TRIM77: variants seen among roughly 807,000 people sequenced by gnomAD.
TRIM77 encodes the protein tripartite motif-containing protein 77.
A neutral mutation model predicts 31.8 loss-of-function variants in TRIM77; 23 were observed. The observed-to-expected ratio is 0.72, with a 90% CI of 0.52 to 1.02. TRIM77 has a LOEUF of 1.02. Among genes scored for constraint, TRIM77 ranks in the 50% least tolerant of loss-of-function variants. The pLI is 0.00. For missense variants in TRIM77, 446 were observed against 539.2 expected, an observed-to-expected ratio of 0.83 and a Z score of 1.71; for synonymous variants, 159 against 183.1, an observed-to-expected ratio of 0.87 and a Z score of 1.06.
intron 5 of TRIM77, among the ~76,000 whole-genome samples, chr11:89,716,580 G>A (rs1411369908): frequency 2.0e-5 from 3 of 152,158 alleles, no homozygotes; most frequent in Non-Finnish European, 4.4e-5. Context: ...GCAGCCATGG[G>A]ATGAGATGAA....
At chr11:89,714,489 A>G (rs1457895974) in intron 3 of TRIM77, 67 bp downstream of exon 3, 15 of 1,083,882 alleles carry the variant, frequency 1.4e-5, no homozygotes, top group African/African-American at 4.8e-5. Flanking sequence ...GCTAGAGTCT[A>G]TATCCTTTTT....
chr11:89,714,256 G>A lies in TRIM77; in HGVS notation c.572G>A (p.Arg191His), dbSNP rs1181369147. Residue 191 changes from arginine to histidine, a missense_variant, in exon 3 of 6, where the codon CGT becomes CAT. Arg to His is a conservative substitution (Grantham distance 29, BLOSUM62 0). Around this residue, in one of 3 missense-constraint regions of TRIM77, gnomAD observed 366 missense variants for 447.9 expected, o/e 0.82. Coordinates refer to ENST00000398290, the MANE Select transcript of TRIM77 (RefSeq NM_001146162.1). Reference protein sequence around the residue: ...AEYPKVCQYLREEEQKHVESL... With the variant: ...AEYPKVCQYLHEEEQKHVESL... Reference sequence around the variant, plus strand: ...TATCCTAAGGTGTGTCAATACCTCCGTGAAGAAGAGCAAAAGCACGTAGAG... The same window carrying A: ...TATCCTAAGGTGTGTCAATACCTCCATGAAGAAGAGCAAAAGCACGTAGAG... The A allele has an allele frequency of 2.2e-5, 34 of 1,551,496 alleles. No individual in the cohort carries two copies. The highest frequency in any genetic ancestry group is 2.7e-5 in the African/African-American group (2 of 72,990).
At chr11:89,713,118 A>G (rs1329179437) in intron 2 of TRIM77, among the ~76,000 whole-genome samples, 1 of 151,666 alleles carries the variant, frequency 6.6e-6, no homozygotes, top group Non-Finnish European at 1.5e-5. Context: ...CTAAAAATAC[A>G]AAAATTAGCT....
chr11:89,711,222 T>C (rs1949119594), intron 1 of TRIM77, among the ~76,000 whole-genome samples, 188 bp from the exon 2 acceptor site: 1 of 152,232 alleles, frequency 6.6e-6, no homozygotes, highest in Non-Finnish European at 1.5e-5. Context: ...TCTTGTTTTC[T>C]AAATTTGGGA....
chr11:89,713,842 TA>T (rs1949141788), intron 2 of TRIM77, among the ~76,000 whole-genome samples: 1 of 152,098 alleles, frequency 6.6e-6, no homozygotes, highest in Admixed American at 6.5e-5. Flanking sequence ...CCTGAGGAAG[TA>T]AATTGTTGTG....
rs1223641418 is a variant in TRIM77, at chr11:89,715,189, G to T, written c.761+9G>T. The T allele has an allele frequency of 1.5e-5, 23 of 1,551,406 alleles. No individual in the cohort carries two copies. The East Asian group carries it at 5.6e-4, about 38-fold the overall frequency. On this transcript the variant is annotated intron_variant, in intron 4 of 5. Transcript: ENST00000398290. ...GGAGACGTAATGAAAAGGTAAGTTT[G>T]CCCCTCTATCCAAGTCCTGGTAATT...
chr11:89,711,229 G>C (rs1949119642), intron 1 of TRIM77, among the ~76,000 whole-genome samples, 181 bp from the exon 2 acceptor site: 1 of 152,144 alleles, frequency 6.6e-6, no homozygotes, highest in African/African-American at 2.4e-5. Context: ...TTCTAAATTT[G>C]GGAATTCTAC....
chr11:89,714,410 G>C lies in TRIM77; in HGVS notation c.726G>C (p.Val242=). The change falls in exon 3 of 6, where the codon GTG becomes GTC. Residue 242 remains valine, a synonymous_variant. Coordinates refer to ENST00000398290, the MANE Select transcript of TRIM77 (RefSeq NM_001146162.1). ...AGGAAATGAGCTGTAAAGCAGATGT[G>C]AACCTGCCTCAGGTAAAAACTGAAG... ...KLKEMSCKAD[V]NLPQDLGDVM... The C allele has an allele frequency of 6.4e-7, 1 of 1,550,656 alleles. No individual in the cohort carries two copies. The highest frequency in any genetic ancestry group is 2.4e-5 in the East Asian group (1 of 40,914).
chr11:89,715,993 A>G lies in TRIM77; in HGVS notation c.859+6A>G, dbSNP rs1949158631. 6.5e-7 allele frequency: 1 copy of G among 1,528,708 alleles called. No individual in the cohort carries two copies. Among genetic ancestry groups the G allele is most frequent in the Non-Finnish European group, 8.9e-7 (1 of 1,127,832 alleles). The allele number at this position is 1,528,708 out of a possible 1,614,324, so 94.7% of individuals were successfully genotyped here. ...AAGGCTTAACTTCTTCAGAGGTAAG[A>G]GTGTGAACTGCACTAATGTTTCCAA... On this transcript the variant is annotated splice_donor_region_variant and intron_variant, in intron 5 of 5. Transcript: ENST00000398290.
intron 5 of TRIM77, 116 bp from the exon 6 acceptor site, chr11:89,717,263 C>A: frequency 1.0e-6 from 1 of 982,144 alleles, no homozygotes; most frequent in Non-Finnish European, 1.4e-6. Context: ...AAACCAGTTG[C>A]TTTTGTTTGT....
intron 3 of TRIM77, among the ~76,000 whole-genome samples, chr11:89,714,639 T>C (rs542257142): frequency 1.7e-4 from 26 of 152,340 alleles, no homozygotes; most frequent in African/African-American, 6.0e-4. Context: ...GGAAAAGTTC[T>C]AGTAACAAAT....
rs183242056 is a variant in TRIM77, at chr11:89,717,794, A to G, written c.1275A>G (p.Gln425=). 3 of 1,550,976 alleles carry G rather than the reference A, an allele frequency of 1.9e-6. No individual in the cohort carries two copies. Among genetic ancestry groups the G allele is most frequent in the African/African-American group, 2.7e-5 (2 of 73,090 alleles). Residue 425 remains glutamine (Q), a synonymous_variant, in exon 6 of 6, where the codon CAA becomes CAG. Coordinates refer to ENST00000398290, the MANE Select transcript of TRIM77 (RefSeq NM_001146162.1). The part of the protein sequence containing the change: ...CGIVSFVNVA[Q]SSLICSFLSR... The stretch of plus-strand genomic sequence containing the variant: ...TAGTGAGCTTTGTTAATGTTGCCCA[A>G]AGTTCCCTCATTTGTAGTTTCCTCT...
At position 89,712,779 on chromosome 11, in the gene TRIM77, T is replaced by C. The variant is rs2134543708; in HGVS notation, c.507+1274T>C. Among the ~76,000 whole-genome samples, 3 of 152,292 alleles carry C rather than the reference T, an allele frequency of 2.0e-5. No homozygotes were observed. The South Asian group carries it at 6.2e-4, about 32-fold the overall frequency. ...TTCAGGAAAGAGTAGGGAATAGAGG[T>C]AAAGGGGTCTTTAATCACACACATG... On this transcript the variant is annotated intron_variant, in intron 2 of 5. Coordinates refer to ENST00000398290, the MANE Select transcript of TRIM77 (RefSeq NM_001146162.1).
intron 4 of TRIM77, 121 bp downstream of exon 4, chr11:89,715,301 G>C (rs1949153083): frequency 1.1e-6 from 1 of 913,836 alleles, no homozygotes; most frequent in African/African-American, 1.7e-5. Context: ...TCTTATCAAA[G>C]GTCATCCAGG....
Position 89,717,628 on chromosome 11 carries a change from T to C in TRIM77, c.1109T>C (p.Leu370Pro). The C allele has an allele frequency of 6.4e-7, 1 of 1,551,352 alleles. No individual in the cohort carries two copies. The highest frequency in any genetic ancestry group is 1.4e-5 in the African/African-American group (1 of 73,148). ...TGGACAAAGAGGAATGACATGCGAC[T>C]TGACTCTGAGGGTATCTTTCTACTC... is the stretch of plus-strand genomic sequence containing the variant. ...EAWTKRNDMR[L>P]DSEGIFLLLC... The change falls in exon 6 of 6, where the codon CTT (leucine) becomes CCT (proline). Residue 370 changes from leucine (L) to proline (P), a missense_variant. Around this residue, in one of 3 missense-constraint regions of TRIM77, gnomAD observed 366 missense variants for 447.9 expected, o/e 0.82. Coordinates refer to ENST00000398290, the MANE Select transcript of TRIM77 (RefSeq NM_001146162.1).
chr11:89,714,293 A>C lies in TRIM77; in HGVS notation c.609A>C (p.Arg203Ser). 1 of 1,551,776 alleles carries C rather than the reference A, an allele frequency of 6.4e-7. No individual in the cohort carries two copies. The highest frequency in any genetic ancestry group is 1.2e-5 in the South Asian group (1 of 84,052). ...AAAAGCACGTAGAGAGCCTGGCAAG[A>C]GAAGGCAGGATAATTTTTCAGCAAC... Reference protein sequence around the residue: ...EEQKHVESLAREGRIIFQQLK... With the variant: ...EEQKHVESLASEGRIIFQQLK... Residue 203 changes from arginine to serine, a missense_variant, in exon 3 of 6, where the codon AGA (arginine) becomes AGC (serine). By Grantham distance (110) the Arg-to-Ser change is moderately radical. Coordinates refer to ENST00000398290, the MANE Select transcript of TRIM77 (RefSeq NM_001146162.1).
At chr11:89,710,741 T>C (rs1949117181) in intron 1 of TRIM77, 32 bp downstream of exon 1, 5 of 1,467,900 alleles carry the variant, frequency 3.4e-6, no homozygotes, top group African/African-American at 2.8e-5. Context: ...CACTTTGAAA[T>C]GTGAAGAACC....
intron 2 of TRIM77, among the ~76,000 whole-genome samples, chr11:89,713,375 G>A (rs1213019852): frequency 6.7e-6 from 1 of 148,836 alleles, no homozygotes; most frequent in South Asian, 2.1e-4. Flanking sequence ...AGGATCTCCT[G>A]AGCCCAGGAA....
At chr11:89,713,829 T>C (rs902367813) in intron 2 of TRIM77, among the ~76,000 whole-genome samples, 2 of 152,162 alleles carry the variant, frequency 1.3e-5, no homozygotes, top group Non-Finnish European at 2.9e-5. Context: ...TGTTCTCTAT[T>C]TTCCTGAGGA....
Sources: allele counts gnomAD v4.1 joint callset (sites outside exome capture counted in the v4.1 genomes callset), GRCh38; gene constraint gnomAD v4.1.1; regional missense constraint gnomAD v4.1.1; transcripts MANE v1.5; gene names NCBI Gene and HGNC (gene_info 2026-07-23, HGNC 2026-07-21).